Variants in CCL18 observed in about 807,000 individuals in gnomAD.
CCL18 encodes the protein C-C motif chemokine ligand 18.
CCL18 carries 7 observed loss-of-function variants against 8.0 expected under a neutral mutation model. The ratio of observed to expected loss-of-function variants is 0.87; its 90% CI spans 0.50 to 1.64. The LOEUF is 1.64. Ranked by LOEUF, CCL18 falls within the 40% of genes most tolerant of loss-of-function variation. CCL18 has a pLI of 0.00. For synonymous variants in CCL18, 35 were observed against 41.3 expected (o/e 0.85, Z 0.59); for missense variants, 95 against 107.8 (o/e 0.88, Z 0.52).
At position 36,071,730 on chromosome 17, in the gene CCL18, C is replaced by A. The variant is rs2066868055; in HGVS notation, c.*689C>A. ...TTAAATGAATATCAAGATGACGCTG[C>A]AATGCATATTTACGCACACAAGCTC... is the stretch of plus-strand genomic sequence containing the variant. On this transcript the variant is annotated 3_prime_UTR_variant, in exon 3 of 3. Coordinates refer to ENST00000616054, the MANE Select transcript of CCL18 (RefSeq NM_002988.4). 1.3e-5 allele frequency: 2 copies of A among 152,222 alleles called. No individual in the cohort carries two copies. The highest frequency in any genetic ancestry group is 6.5e-5 in the Admixed American group (1 of 15,288). 9.4% of individuals were successfully genotyped at this position (152,222 alleles called of 1,614,324 possible).
chr17:36,064,518 G>A, intron 1 of CCL18, 109 bp downstream of exon 1: 1 of 807,312 alleles, frequency 1.2e-6, no homozygotes, highest in South Asian at 1.5e-5. Context: ...ATCCTCAAAT[G>A]GGGTTTCAAA....
Position 36,064,373 on chromosome 17 carries a change from C to G in CCL18, c.31C>G (p.Leu11Val). The G allele has an allele frequency of 6.2e-7, 1 of 1,614,100 alleles. No individual in the cohort carries two copies. Among genetic ancestry groups the G allele is most frequent in the Non-Finnish European group, 8.5e-7 (1 of 1,179,962 alleles). MKGLAAALLV[L>V]VCTMALCSCA... ...GGGCCTTGCAGCTGCCCTCCTTGTC[C>G]TCGTCTGCACCATGGCCCTCTGCTC... Residue 11 changes from leucine (L) to valine (V), a missense_variant, in exon 1 of 3, where the codon CTC becomes GTC. Physicochemically the swap from Leu to Val is conservative, Grantham distance 32. Transcript: ENST00000616054.
At chr17:36,069,136 T>G (rs982705466) in intron 1 of CCL18, among the ~76,000 whole-genome samples, 1 of 152,200 alleles carries the variant, frequency 6.6e-6, no homozygotes, top group African/African-American at 2.4e-5. Context: ...ATTACAGGCA[T>G]GAGCCACCAT....
intron 1 of CCL18, among the ~76,000 whole-genome samples, chr17:36,067,304 G>A (rs1157018810): frequency 6.6e-6 from 1 of 152,112 alleles, no homozygotes; most frequent in East Asian, 1.9e-4. Context: ...TTTTCACCCA[G>A]GAAGCCCACA....
chr17:36,067,497 G>A (rs71377877), intron 1 of CCL18, among the ~76,000 whole-genome samples: 2,278 of 152,212 alleles, frequency 0.015, 47 homozygotes, highest in African/African-American at 0.052. Flanking sequence ...GACCAGCCTG[G>A]CCAACATGGT....
chr17:36,068,500 AT>A (rs1417064612), intron 1 of CCL18, among the ~76,000 whole-genome samples: 1 of 152,170 alleles, frequency 6.6e-6, no homozygotes, highest in Non-Finnish European at 1.5e-5. Context: ...GAGATTCTAA[AT>A]GAGTTTTTAT....
chr17:36,066,042 A>G (rs1009039551), intron 1 of CCL18, among the ~76,000 whole-genome samples: 2 of 152,186 alleles, frequency 1.3e-5, no homozygotes, highest in African/African-American at 4.8e-5. Context: ...CTTGTGAATG[A>G]CTGAGTTAGG....
intron 1 of CCL18, among the ~76,000 whole-genome samples, chr17:36,068,509 T>C (rs1477902975): frequency 6.6e-6 from 1 of 152,238 alleles, no homozygotes; most frequent in Non-Finnish European, 1.5e-5. Context: ...AATGAGTTTT[T>C]ATTCTTTTCT....
rs550192357 is a variant in CCL18 at position 36,068,990 on chromosome 17, G to A, written c.68-1457G>A. Among the ~76,000 whole-genome samples the A allele has an allele frequency of 8.6e-5, 13 of 151,686 alleles. No homozygotes were observed. In the South Asian group the frequency reaches 2.5e-3, roughly 29 times the overall value. ...TCCTCCTGCCTCAGCGTCCAAAGAA[G>A]CTGAAACTACAGGCATGCCCAGCTA... On this transcript the variant is annotated intron_variant, in intron 1 of 2. Transcript: ENST00000616054.
At chr17:36,068,116 G>A (rs1249958515) in intron 1 of CCL18, among the ~76,000 whole-genome samples, 1 of 152,074 alleles carries the variant, frequency 6.6e-6, no homozygotes, top group Non-Finnish European at 1.5e-5. Context: ...TAACAAAACA[G>A]ACTAATGACA....
rs1298177940 is a variant in CCL18 at position 36,071,256 on chromosome 17, A to G, written c.*215A>G. On this transcript the variant is annotated 3_prime_UTR_variant, in exon 3 of 3. Transcript: ENST00000616054. ...TGTTGAGCTGCATTATGAAATTAGTATTTTCTCTGACATCTCATGACATTG... is the reference window on the plus strand; with the variant it reads ...TGTTGAGCTGCATTATGAAATTAGTGTTTTCTCTGACATCTCATGACATTG... 3.8e-6 allele frequency: 2 copies of G among 528,746 alleles called. No individual in the cohort carries two copies. The highest frequency in any genetic ancestry group is 2.9e-5 in the South Asian group (1 of 34,788). 32.8% of individuals were successfully genotyped at this position (528,746 alleles called of 1,614,324 possible).
chr17:36,068,175 T>TA (rs374866595), intron 1 of CCL18, among the ~76,000 whole-genome samples: 5 of 151,822 alleles, frequency 3.3e-5, no homozygotes, highest in African/African-American at 9.7e-5. Context: ...GCTGTATAAA[T>TA]AAAAAAATAC....
In CCL18 at chr17:36,069,716, C is replaced by T. The variant is rs141750630; in HGVS notation, c.68-731C>T. 6.8e-4 allele frequency among the ~76,000 whole-genome samples: 104 copies of T among 152,332 alleles called. 1 individual carries two copies. The highest frequency in any genetic ancestry group is 2.5e-3 in the African/African-American group (102 of 41,560). ...AGGCAGCGGCTACAAGTCCTGAGTT[C>T]AGCTCTTCCCGGCAGCCATGGGAGC... is the stretch of plus-strand genomic sequence containing the variant. On this transcript the variant is annotated intron_variant, in intron 1 of 2. Transcript: ENST00000616054.
intron 1 of CCL18, among the ~76,000 whole-genome samples, chr17:36,065,028 T>C (rs922190653): frequency 1.6e-4 from 25 of 152,226 alleles, no homozygotes; most frequent in Non-Finnish European, 3.4e-4. Context: ...CTTCTTCTCC[T>C]GAGCAACTCC....
At chr17:36,069,824 C>T (rs964649758) in intron 1 of CCL18, among the ~76,000 whole-genome samples, 5 of 152,186 alleles carry the variant, frequency 3.3e-5, no homozygotes, top group Non-Finnish European at 5.9e-5. Context: ...CCCCCAGGCC[C>T]GCTGTCCCTT....
chr17:36,066,415 C>T (rs531317414), intron 1 of CCL18, among the ~76,000 whole-genome samples: 7 of 152,258 alleles, frequency 4.6e-5, no homozygotes, highest in Admixed American at 6.5e-5. Context: ...CACTCACTGC[C>T]ACCTACATCG....
Position 36,071,003 on chromosome 17 carries a change from G to C in CCL18, c.232G>C (p.Val78Leu). ...QICADPNKKW[V>L]QKYISDLKLN... is the part of the protein sequence containing the mutation. ...CTGTGCTGACCCCAATAAGAAGTGG[G>C]TCCAGAAATACATCAGCGACCTGAA... Residue 78 changes from valine to leucine, a missense_variant, in exon 3 of 3, where the codon GTC becomes CTC. Transcript: ENST00000616054. 1 of 1,614,040 alleles carries C rather than the reference G, an allele frequency of 6.2e-7. No homozygotes were observed. Among genetic ancestry groups the C allele is most frequent in the African/African-American group, 1.3e-5 (1 of 75,024 alleles).
intron 2 of CCL18, 51 bp downstream of exon 2, chr17:36,070,609 G>A (rs778929462): frequency 2.6e-6 from 3 of 1,148,972 alleles, no homozygotes; most frequent in South Asian, 2.5e-5. Flanking sequence ...TGGGAGGTTT[G>A]GGGTGAGGTC....
chr17:36,071,276 A>G lies in CCL18; in HGVS notation c.*235A>G. ...TTAGTATTTTCTCTGACATCTCATG[A>G]CATTGTCTTTATCATCCTTTCCCCT... On this transcript the variant is annotated 3_prime_UTR_variant, in exon 3 of 3. Transcript: ENST00000616054. The G allele has an allele frequency of 1.9e-6, 1 of 517,120 alleles. No individual in the cohort carries two copies. Among genetic ancestry groups the G allele is most frequent in the South Asian group, 2.9e-5 (1 of 34,492 alleles). The allele number at this position is 517,120 out of a possible 1,614,324, so 32.0% of individuals were successfully genotyped here. A position where few individuals can be genotyped will look rare whatever the true frequency, so the allele number is the denominator to read the frequency against.
Sources: allele counts gnomAD v4.1 joint callset (sites outside exome capture counted in the v4.1 genomes callset), GRCh38; gene constraint gnomAD v4.1.1; transcripts MANE v1.5; gene names NCBI Gene and HGNC (gene_info 2026-07-23, HGNC 2026-07-21).